Variants in VAV3 observed in about 807,000 individuals in gnomAD.
The protein encoded by VAV3 is guanine nucleotide exchange factor VAV3.
Under a neutral mutation model 131.2 loss-of-function variants are expected in VAV3, and 94 were observed. The observed-to-expected ratio is 0.72, with a 90% CI of 0.61 to 0.85. VAV3 has a LOEUF of 0.85. Among genes scored for constraint, VAV3 ranks in the 40% least tolerant of loss-of-function variants. The probability of loss-of-function intolerance (pLI) is 0.00; values close to 1 mark genes in which losing one functional copy is unlikely to be tolerated. For missense variants in VAV3, 939 were observed against 1,002.7 expected (o/e 0.94, Z 0.86); for synonymous variants, 349 against 342.0 (o/e 1.02, Z -0.22).
Position 107,772,893 on chromosome 1 carries a change from C to G in VAV3, c.447-50G>C, listed in dbSNP as rs1170488140. ...GTCATTTTCTATTATGCAGTAAATG[C>G]AATAGCTACAAATAGCCTACTGGAT... On this transcript the variant is annotated intron_variant, in intron 4 of 26. Transcript: ENST00000370056. 3.4e-6 allele frequency: 5 copies of G among 1,456,278 alleles called. No individual in the cohort carries two copies. The South Asian group carries it at 4.8e-5, about 14-fold the overall frequency. The allele number at this position is 1,456,278 out of a possible 1,614,324, so 90.2% of individuals were successfully genotyped here.
chr1:107,624,499 C>T (rs894118315), intron 20 of VAV3, among the ~76,000 whole-genome samples: 3 of 151,606 alleles, frequency 2.0e-5, no homozygotes, highest in Admixed American at 6.6e-5. Context: ...CCAAAACCCA[C>T]GTTGTTACTC....
rs1239886045 is a variant in VAV3, at chr1:107,905,197, A to AT, written c.205-30181dup. ...GGACCTTTGTGTATTGCACAACCTG[A>AT]TAAGTCAGCCTTACCTAGAATTCCT... On this transcript the variant is annotated intron_variant, in intron 1 of 26. Coordinates refer to ENST00000370056, the MANE Select transcript of VAV3 (RefSeq NM_006113.5). Among the ~76,000 whole-genome samples, 6 of 152,312 alleles carry AT rather than the reference A, an allele frequency of 3.9e-5. No homozygotes were observed. The East Asian group carries it at 9.6e-4, about 24-fold the overall frequency.
chr1:107,723,739 T>A (rs915242848), intron 15 of VAV3, among the ~76,000 whole-genome samples: 3 of 151,950 alleles, frequency 2.0e-5, no homozygotes. Flanking sequence ...TCCAAAACAA[T>A]CTGAGATGAT....
intron 19 of VAV3, among the ~76,000 whole-genome samples, chr1:107,667,012 T>C (rs550699100): frequency 6.6e-6 from 1 of 152,312 alleles, no homozygotes; most frequent in South Asian, 2.1e-4. Context: ...CAGCTTGTAC[T>C]GCTGCCTCTG....
intron 12 of VAV3, among the ~76,000 whole-genome samples, chr1:107,751,661 G>A (rs1381585653): frequency 2.0e-5 from 3 of 146,698 alleles, no homozygotes; most frequent in Admixed American, 1.4e-4. Context: ...CCATGAAGGA[G>A]TACAGAAAGG....
intron 2 of VAV3, among the ~76,000 whole-genome samples, chr1:107,820,538 T>C (rs753985718): frequency 1.3e-5 from 2 of 152,102 alleles, no homozygotes; most frequent in South Asian, 2.1e-4. Context: ...GAATAAGATC[T>C]AGTATTTGAT....
chr1:107,896,306 G>A (rs1036606368), intron 1 of VAV3, among the ~76,000 whole-genome samples: 1 of 152,108 alleles, frequency 6.6e-6, no homozygotes, highest in African/African-American at 2.4e-5. Flanking sequence ...AAAGCAAGTG[G>A]AGTGCCTCTC....
In VAV3 at chr1:107,628,781, T is replaced by C. The variant is rs114222625; in HGVS notation, c.1915-11149A>G. 5.8e-3 allele frequency among the ~76,000 whole-genome samples: 884 copies of C among 152,334 alleles called. 9 individuals carry two copies. Among genetic ancestry groups the C allele is most frequent in the African/African-American group, 0.02 (849 of 41,588 alleles). On this transcript the variant is annotated intron_variant, in intron 20 of 26. Transcript: ENST00000370056. Reference sequence around the variant, plus strand: ...GGGACCACAAGTCTGAAAAGGACTCTAGTTTTAACTCTACAACTGCAATTT... The same window carrying C: ...GGGACCACAAGTCTGAAAAGGACTCCAGTTTTAACTCTACAACTGCAATTT...
chr1:107,839,434 G>C (rs1668602066), intron 2 of VAV3, among the ~76,000 whole-genome samples: 1 of 152,056 alleles, frequency 6.6e-6, no homozygotes. Context: ...AGTAACTTAT[G>C]AGTCGAAAAA....
At position 107,849,486 on chromosome 1, in the gene VAV3, C is replaced by A. The variant is rs192853189; in HGVS notation, c.321+25415G>T. Among the ~76,000 whole-genome samples, 142 of 152,212 alleles carry A rather than the reference C, an allele frequency of 9.3e-4. No homozygotes were observed. In the Middle Eastern group the frequency reaches 0.014, roughly 15 times the overall value. The stretch of plus-strand genomic sequence containing the variant: ...AAAAAAAAACAATGGGGAAAGGATT[C>A]CCTATTTAATAAATGGTGTTGGGAA... On this transcript the variant is annotated intron_variant, in intron 2 of 26. Transcript: ENST00000370056.
chr1:107,801,704 T>C (rs1666834881), intron 2 of VAV3, among the ~76,000 whole-genome samples: 1 of 152,152 alleles, frequency 6.6e-6, no homozygotes, highest in African/African-American at 2.4e-5. Flanking sequence ...TTACTTCTCT[T>C]GTCTATAAAT....
At chr1:107,692,965 A>C (rs1473823507) in intron 17 of VAV3, among the ~76,000 whole-genome samples, 1 of 152,206 alleles carries the variant, frequency 6.6e-6, no homozygotes, top group Non-Finnish European at 1.5e-5. Context: ...AGTGGAGACC[A>C]AAGGGGCTTA....
At chr1:107,878,650 T>A (rs1670621581) in intron 1 of VAV3, among the ~76,000 whole-genome samples, 2 of 152,194 alleles carry the variant, frequency 1.3e-5, no homozygotes, top group African/African-American at 4.8e-5. Flanking sequence ...GTGAACTTCA[T>A]ATTTCATCAC....
At chr1:107,626,527 C>T (rs1654025707) in intron 20 of VAV3, among the ~76,000 whole-genome samples, 1 of 152,154 alleles carries the variant, frequency 6.6e-6, no homozygotes, top group African/African-American at 2.4e-5. Flanking sequence ...CTTTTTATCC[C>T]CATGGCCACA....
At chr1:107,643,461 T>C (rs6583035) in intron 19 of VAV3, among the ~76,000 whole-genome samples, 41,890 of 152,078 alleles carry the variant, frequency 0.28, 5,905 homozygotes, top group Middle Eastern at 0.37. Context: ...GCAGCTTCAA[T>C]TGAACATGGG....
chr1:107,613,422 G>A (rs1236640263), intron 21 of VAV3, among the ~76,000 whole-genome samples: 1 of 151,730 alleles, frequency 6.6e-6, no homozygotes, highest in East Asian at 1.9e-4. Context: ...ACTGCTCCTT[G>A]AGCAATTTCT....
chr1:107,962,856 T>C (rs1312418452), intron 1 of VAV3, among the ~76,000 whole-genome samples: 2 of 152,256 alleles, frequency 1.3e-5, no homozygotes, highest in Non-Finnish European at 2.9e-5. Context: ...CCCAGTGATT[T>C]ACCATCTGAT....
chr1:107,950,401 G>C (rs1674476822), intron 1 of VAV3, among the ~76,000 whole-genome samples: 1 of 152,176 alleles, frequency 6.6e-6, no homozygotes, highest in African/African-American at 2.4e-5. Flanking sequence ...AGGAGGACTG[G>C]GTGGTAATGA....
Position 107,573,276 on chromosome 1 carries a change from T to A in VAV3, c.*55A>T. 6.3e-7 allele frequency: 1 copy of A among 1,598,230 alleles called. No individual in the cohort carries two copies. Among genetic ancestry groups the A allele is most frequent in the Non-Finnish European group, 8.5e-7 (1 of 1,170,494 alleles). On this transcript the variant is annotated 3_prime_UTR_variant, in exon 27 of 27. Transcript: ENST00000370056. ...GTTAATTCACGATGCTGTGCAGGCTTCTATTTATCCCTTCTCTGAAATTTT... is the reference window on the plus strand; with the variant it reads ...GTTAATTCACGATGCTGTGCAGGCTACTATTTATCCCTTCTCTGAAATTTT...
Sources: allele counts gnomAD v4.1 joint callset (sites outside exome capture counted in the v4.1 genomes callset), GRCh38; gene constraint gnomAD v4.1.1; transcripts MANE v1.5; gene names NCBI Gene and HGNC (gene_info 2026-07-23, HGNC 2026-07-21).